Variants in SPTB observed in about 807,000 individuals in gnomAD.
The protein encoded by SPTB is spectrin beta chain, erythrocytic.
A neutral mutation model predicts 256.2 loss-of-function variants in SPTB; 45 were observed. The ratio of observed to expected loss-of-function variants is 0.18; its 90% CI spans 0.14 to 0.23. SPTB has a LOEUF of 0.23. Ranked by LOEUF, SPTB falls within the 10% of genes least tolerant of loss-of-function variation. The pLI is 1.00. For synonymous variants in SPTB, 1,231 were observed against 1,243.1 expected (o/e 0.99, Z 0.21); for missense variants, 2,715 against 3,040.4 (o/e 0.89, Z 2.52).
chr14:64,758,386 T>TA lies in SPTB; in HGVS notation c.6346-4594dup, dbSNP rs1440694126. Among the ~76,000 whole-genome samples, 1 of 152,174 alleles carries TA rather than the reference T, an allele frequency of 6.6e-6. No homozygotes were observed. The highest frequency in any genetic ancestry group is 2.4e-5 in the African/African-American group (1 of 41,448). On this transcript the variant is annotated intron_variant, in intron 32 of 35. Coordinates refer to ENST00000644917, the MANE Select transcript of SPTB (RefSeq NM_001355436.2). The surrounding 1 kb of genome is among the most constrained non-coding windows in gnomAD (Gnocchi z 4.6). ...GGAAGGGAGAAGCCATGTGAACAGG[T>TA]AAGCAGTGCAGGAGGGCCTGAGGCC... is the stretch of plus-strand genomic sequence containing the variant.
intron 33 of SPTB, among the ~76,000 whole-genome samples, chr14:64,753,171 CT>C (rs914711325): frequency 1.3e-5 from 2 of 152,146 alleles, no homozygotes; most frequent in African/African-American, 4.8e-5. Context: ...ATCCCTAGCC[CT>C]GGGATAATAG....
chr14:64,772,296 A>G lies in SPTB; in HGVS notation c.5553+284T>C, dbSNP rs2082288808. ...CTCAGAAGAGCACCTGGTGCTAGAA[A>G]AGTGCTGTGCGTGTGTCCACTAATA... is the stretch of plus-strand genomic sequence containing the variant. On this transcript the variant is annotated intron_variant, in intron 26 of 35. Transcript: ENST00000644917. The surrounding 1 kb of genome is among the most constrained non-coding windows in gnomAD (Gnocchi z 5.4). 6.6e-6 allele frequency among the ~76,000 whole-genome samples: 1 copy of G among 152,232 alleles called. No individual in the cohort carries two copies. The highest frequency in any genetic ancestry group is 6.5e-5 in the Admixed American group (1 of 15,292).
At chr14:64,854,807 G>A (rs2083846356) in intron 1 of SPTB, among the ~76,000 whole-genome samples, 1 of 152,186 alleles carries the variant, frequency 6.6e-6, no homozygotes, top group Non-Finnish European at 1.5e-5. Flanking sequence ...TCATTGAGGG[G>A]AAAACTGAGA....
intron 1 of SPTB, among the ~76,000 whole-genome samples, chr14:64,854,436 G>A (rs1393548599): frequency 9.3e-5 from 14 of 150,696 alleles, no homozygotes; most frequent in African/African-American, 2.9e-4. Context: ...CCGCCACCAC[G>A]CCCCACTAAT....
At chr14:64,854,682 T>C (rs150564670) in intron 1 of SPTB, among the ~76,000 whole-genome samples, 17 of 151,202 alleles carry the variant, frequency 1.1e-4, no homozygotes, top group Middle Eastern at 3.5e-3. Context: ...GGATTTCCAT[T>C]TGCTGGGCCA....
intron 32 of SPTB, among the ~76,000 whole-genome samples, chr14:64,763,068 C>G (rs745875945): frequency 4.6e-5 from 7 of 152,344 alleles, no homozygotes; most frequent in Non-Finnish European, 1.0e-4. Flanking sequence ...GACCTTTAGC[C>G]TGGGGGGACT....
In SPTB at chr14:64,846,486, G is replaced by A. The variant is rs533849866; in HGVS notation, c.-51-23341C>T. 1.3e-4 allele frequency among the ~76,000 whole-genome samples: 20 copies of A among 152,354 alleles called. No individual in the cohort carries two copies. The South Asian group carries it at 2.3e-3, about 17-fold the overall frequency. ...TAGGTGCCTGAAAGGGCAGCAGAAC[G>A]CATAGGTCGTCAGTATTTGTACCTG... On this transcript the variant is annotated intron_variant, in intron 1 of 35. Coordinates refer to ENST00000644917, the MANE Select transcript of SPTB (RefSeq NM_001355436.2).
intron 1 of SPTB, among the ~76,000 whole-genome samples, chr14:64,848,840 C>A (rs867827405): frequency 3.3e-5 from 5 of 152,140 alleles, no homozygotes; most frequent in African/African-American, 1.2e-4. Context: ...CCACATAATA[C>A]TCTTGACTTA....
rs1394744538 is a variant in SPTB at position 64,750,092 on chromosome 14, T to C, written c.6665A>G (p.Lys2222Arg). ...GTAGGGCATCCCCAGGGCCAGGTTC[T>C]TGGCATCCTTGTAGAAGGTTAGCTC... ...NSELTFYKDAKNLALGMPYHG... is the reference protein window; with the variant it reads ...NSELTFYKDARNLALGMPYHG... The change falls in exon 34 of 36, where the codon AAG becomes AGG. Residue 2222 changes from lysine (K) to arginine (R), a missense_variant. This residue lies in a region of SPTB where 2,239 missense variants were observed against 2,384.4 expected (regional missense o/e 0.94). Coordinates refer to ENST00000644917, the MANE Select transcript of SPTB (RefSeq NM_001355436.2). 1.9e-6 allele frequency: 3 copies of C among 1,614,104 alleles called. No homozygotes were observed. The highest frequency in any genetic ancestry group is 2.2e-5 in the South Asian group (2 of 91,094).
At chr14:64,864,498 A>G (rs1474858011) in intron 1 of SPTB, among the ~76,000 whole-genome samples, 1 of 152,182 alleles carries the variant, frequency 6.6e-6, no homozygotes, top group Non-Finnish European at 1.5e-5. Context: ...ATATGGAAAG[A>G]CGTCCAAGGT....
At position 64,786,991 on chromosome 14, in the gene SPTB, CGAT is replaced by C; in HGVS notation, c.2971_2973del (p.Ile991del). 4 of 1,614,092 alleles carry C rather than the reference CGAT, an allele frequency of 2.5e-6. No homozygotes were observed. Among genetic ancestry groups the C allele is most frequent in the Non-Finnish European group, 3.4e-6 (4 of 1,180,032 alleles). On this transcript the variant is annotated inframe_deletion, in exon 16 of 36. Transcript: ENST00000644917. The surrounding 1 kb of genome is among the most constrained non-coding windows in gnomAD (Gnocchi z 5.6). ...AGCCCTGACAACTTCCTCTGGATGG[CGAT>C]GATACCTGCCAGGTCCCGCCCCAGG...
rs1251437549 is a variant in SPTB at position 64,816,248 on chromosome 14, T to C, written c.148+6699A>G. Among the ~76,000 whole-genome samples, 1 of 152,210 alleles carries C rather than the reference T, an allele frequency of 6.6e-6. No individual in the cohort carries two copies. Among genetic ancestry groups the C allele is most frequent in the African/African-American group, 2.4e-5 (1 of 41,458 alleles). ...CGGACCCTTCAACCCTGCCACTGTA[T>C]GGAAAGGCACGCTGAGGTCTTGAAT... is the stretch of plus-strand genomic sequence containing the variant. On this transcript the variant is annotated intron_variant, in intron 2 of 35. Coordinates refer to ENST00000644917, the MANE Select transcript of SPTB (RefSeq NM_001355436.2). This position sits in a 1 kb window ranked among gnomAD's most constrained non-coding sequence, Gnocchi z 4.2.
rs969378628 is a variant in SPTB, at chr14:64,786,686, G to C, written c.3279C>G (p.Leu1093=). The change falls in exon 16 of 36, where the codon CTC becomes CTG. Residue 1093 remains leucine (L), a synonymous_variant. Coordinates refer to ENST00000644917, the MANE Select transcript of SPTB (RefSeq NM_001355436.2). The surrounding 1 kb of genome is among the most constrained non-coding windows in gnomAD (Gnocchi z 5.6). ...GCTGCAGGAGCTGCTCAGCCTCTGG[G>C]AGGGATTCGGGCATGTCCTCAGAGG... ...AVASEDMPES[L]PEAEQLLQQH... 10 of 1,614,032 alleles carry C rather than the reference G, an allele frequency of 6.2e-6. No individual in the cohort carries two copies. Among genetic ancestry groups the C allele is most frequent in the Non-Finnish European group, 1.7e-6 (2 of 1,180,000 alleles).
intron 1 of SPTB, among the ~76,000 whole-genome samples, chr14:64,862,076 C>A (rs974010767): frequency 5.9e-5 from 9 of 152,230 alleles, no homozygotes; most frequent in African/African-American, 1.9e-4. Flanking sequence ...CCCAGCCCAG[C>A]CCCTCCTGGG....
chr14:64,771,015 C>T lies in SPTB; in HGVS notation c.5668G>A (p.Asp1890Asn), dbSNP rs757030587. 18 of 1,614,048 alleles carry T rather than the reference C, an allele frequency of 1.1e-5. No individual in the cohort carries two copies. The highest frequency in any genetic ancestry group is 4.0e-5 in the African/African-American group (3 of 74,950). ...TGGGTCCGGCGCCCGGCACAGGCAT[C>T]GAGCAGCGCCTGCCACGCGGCAGAC... ...EVSAAWQALL[D>N]ACAGRRTQLV... The change falls in exon 27 of 36, where the codon GAT (aspartate) becomes AAT (asparagine). Residue 1890 changes from aspartate (D) to asparagine (N), a missense_variant. Physicochemically the swap from Asp to Asn is conservative, Grantham distance 23. Transcript: ENST00000644917.
intron 1 of SPTB, among the ~76,000 whole-genome samples, chr14:64,861,674 C>T (rs758457614): frequency 9.9e-5 from 15 of 152,172 alleles, no homozygotes; most frequent in Admixed American, 2.0e-4. Context: ...TGACCTCTCT[C>T]TCAAACCATC....
rs2081960525 is a variant in SPTB, at chr14:64,752,106, CAAA to C, written c.6602+1428_6602+1430del. On this transcript the variant is annotated intron_variant, in intron 33 of 35. Transcript: ENST00000644917. Reference sequence around the variant, plus strand: ...GAGACTCTGTCTAAACAAAACAAAACAAAACAAAACACAAAAAAAGACAAATAG... The same window carrying C: ...GAGACTCTGTCTAAACAAAACAAAACACAAAACACAAAAAAAGACAAATAG... The C allele has an allele frequency of 2.6e-6, 3 of 1,174,534 alleles. No individual in the cohort carries two copies. The African/African-American group carries it at 4.9e-5, about 19-fold the overall frequency. 72.8% of individuals were successfully genotyped at this position (1,174,534 alleles called of 1,614,324 possible).
rs148927610 is a variant in SPTB at position 64,793,831 on chromosome 14, C to A, written c.1832G>T (p.Arg611Leu). 29 of 1,610,168 alleles carry A rather than the reference C, an allele frequency of 1.8e-5. No individual in the cohort carries two copies. The highest frequency in any genetic ancestry group is 2.3e-5 in the Non-Finnish European group (27 of 1,179,880). ...AAAGCACTGCTCCAAGTGGCTGATGCGGTCCTGGATGACCTGGGGGTCACA... is the reference window on the plus strand; with the variant it reads ...AAAGCACTGCTCCAAGTGGCTGATGAGGTCCTGGATGACCTGGGGGTCACA... ...QPCDPQVIQD[R>L]ISHLEQCFEE... Residue 611 changes from arginine (R) to leucine (L), a missense_variant, in exon 14 of 36, where the codon CGC (arginine) becomes CTC (leucine). By Grantham distance (102) the Arg-to-Leu change is moderately radical (BLOSUM62 -2). Coordinates refer to ENST00000644917, the MANE Select transcript of SPTB (RefSeq NM_001355436.2). This position sits in a 1 kb window ranked among gnomAD's most constrained non-coding sequence, Gnocchi z 7.0.
rs74446488 is a variant in SPTB, at chr14:64,774,026, G to C, written c.4973+371C>G. Among the ~76,000 whole-genome samples the C allele has an allele frequency of 6.4e-3, 971 of 152,304 alleles. 9 individuals carry two copies. Among genetic ancestry groups the C allele is most frequent in the African/African-American group, 0.022 (932 of 41,558 alleles). ...ACCTGCACTCCTACATCATGGTTCTGTCTGGACTGTGAAGTCCTGGAGACC... is the reference window on the plus strand; with the variant it reads ...ACCTGCACTCCTACATCATGGTTCTCTCTGGACTGTGAAGTCCTGGAGACC... On this transcript the variant is annotated intron_variant, in intron 24 of 35. Coordinates refer to ENST00000644917, the MANE Select transcript of SPTB (RefSeq NM_001355436.2).
Sources: allele counts gnomAD v4.1 joint callset (sites outside exome capture counted in the v4.1 genomes callset), GRCh38; gene constraint gnomAD v4.1.1; regional missense constraint gnomAD v4.1.1; non-coding constraint Gnocchi (gnomAD v3.1); transcripts MANE v1.5; gene names NCBI Gene and HGNC (gene_info 2026-07-23, HGNC 2026-07-21).